Variants in CDH3 observed in about 807,000 individuals in gnomAD.
CDH3 encodes cadherin-3.
CDH3 carries 54 observed loss-of-function variants against 82.0 expected under a neutral mutation model. The observed-to-expected ratio is 0.66, with a 90% CI of 0.53 to 0.83. CDH3 has a LOEUF of 0.83. CDH3 is among the 40% of genes least tolerant of loss of function. The probability of loss-of-function intolerance (pLI) is 0.00; values close to 1 mark genes in which losing one functional copy is unlikely to be tolerated. For synonymous variants in CDH3, 446 were observed against 437.9 expected, an observed-to-expected ratio of 1.02 and a Z score of -0.23; for missense variants, 1,054 against 1,084.6, an observed-to-expected ratio of 0.97 and a Z score of 0.40.
chr16:68,700,734 A>C (rs1961881782), downstream of CDH3, among the ~76,000 whole-genome samples: 1 of 152,210 alleles, frequency 6.6e-6, no homozygotes. Flanking sequence ...GGCGCCTATA[A>C]TCCCAGCTAC....
In CDH3 at chr16:68,681,107, T is replaced by C; in HGVS notation, c.996+11T>C. 6.2e-7 allele frequency: 1 copy of C among 1,613,754 alleles called. No homozygotes were observed. Among genetic ancestry groups the C allele is most frequent in the Non-Finnish European group, 8.5e-7 (1 of 1,179,844 alleles). On this transcript the variant is annotated intron_variant, in intron 8 of 15. Coordinates refer to ENST00000264012, the MANE Select transcript of CDH3 (RefSeq NM_001793.6). ...TTTGACCCCCAGAAGGTAATGCCCC[T>C]TCCTCACTCAGTCCCTCATCAGATA...
chr16:68,713,695 T>C (rs144202771), intron 1 of CDH3, among the ~76,000 whole-genome samples: 1 of 152,216 alleles, frequency 6.6e-6, no homozygotes, highest in Non-Finnish European at 1.5e-5. Context: ...AAGCAGCATG[T>C]CATTGGACGC....
At chr16:68,664,515 T>G (rs538099508) in intron 2 of CDH3, among the ~76,000 whole-genome samples, 1 of 152,260 alleles carries the variant, frequency 6.6e-6, no homozygotes, top group Admixed American at 6.5e-5. Flanking sequence ...AATCTGGATT[T>G]TTTAAATTGT....
At chr16:68,673,575 C>A (rs1463960585) in intron 2 of CDH3, among the ~76,000 whole-genome samples, 1 of 151,992 alleles carries the variant, frequency 6.6e-6, no homozygotes, top group Non-Finnish European at 1.5e-5. Context: ...CCTCCCACTT[C>A]AGCCTCCCAA....
Position 68,646,742 on chromosome 16 carries a change from T to G in CDH3, c.160+992T>G, listed in dbSNP as rs958631405. 1.5e-4 allele frequency among the ~76,000 whole-genome samples: 23 copies of G among 152,160 alleles called. 1 individual carries two copies. ...CAGAGGATCCTTACACTGAAATTTT[T>G]GGGAACTTGAGTATTCATTTTTAGG... On this transcript the variant is annotated intron_variant, in intron 2 of 15. Coordinates refer to ENST00000264012, the MANE Select transcript of CDH3 (RefSeq NM_001793.6).
Position 68,661,350 on chromosome 16 carries a change from C to A in CDH3, c.161-15035C>A, listed in dbSNP as rs548774788. On this transcript the variant is annotated intron_variant, in intron 2 of 15. Coordinates refer to ENST00000264012, the MANE Select transcript of CDH3 (RefSeq NM_001793.6). ...TGGGGCAAGTTACTTAACCTCTGTG[C>A]CTCAGTTTTCTCATCTGTAAAATGA... Among the ~76,000 whole-genome samples the A allele has an allele frequency of 3.3e-5, 5 of 152,244 alleles. No homozygotes were observed. In the South Asian group the frequency reaches 1.0e-3, roughly 32 times the overall value.
chr16:68,687,872 A>G (rs1961461335), intron 12 of CDH3, 136 bp downstream of exon 12: 3 of 690,454 alleles, frequency 4.3e-6, no homozygotes, highest in Admixed American at 2.2e-5. Flanking sequence ...TAGAACCTCA[A>G]TCAGATGCTA....
intron 2 of CDH3, among the ~76,000 whole-genome samples, chr16:68,650,886 T>G (rs1388136793): frequency 1.4e-5 from 2 of 146,918 alleles, no homozygotes; most frequent in Admixed American, 6.9e-5. Flanking sequence ...TGCTGCCACA[T>G]CCCATGACGC....
chr16:68,654,563 C>T (rs555282369), intron 2 of CDH3, among the ~76,000 whole-genome samples: 102 of 139,240 alleles, frequency 7.3e-4, no homozygotes, highest in African/African-American at 2.2e-3. Context: ...ATTAGCTGGG[C>T]GTGGTGGCAG....
chr16:68,725,318 A>G (rs4783566), intron 2 of CDH3, among the ~76,000 whole-genome samples: 129,882 of 151,542 alleles, frequency 0.86, 55,833 homozygotes, highest in Non-Finnish European at 0.89. Flanking sequence ...TGCCATGTTT[A>G]GTTAGGTTAT....
chr16:68,647,115 C>T (rs1290531885), intron 2 of CDH3, among the ~76,000 whole-genome samples: 2 of 152,062 alleles, frequency 1.3e-5, no homozygotes, highest in African/African-American at 2.4e-5. Context: ...TAAATTCTTG[C>T]GCAGGGGTTT....
intron 13 of CDH3, among the ~76,000 whole-genome samples, chr16:68,692,973 A>G (rs1961616531): frequency 6.6e-6 from 1 of 152,182 alleles, no homozygotes; most frequent in African/African-American, 2.4e-5. Context: ...GCATGATGGC[A>G]CATGCCTGTA....
At chr16:68,731,557 T>C (rs1480858185), downstream of CDH3, among the ~76,000 whole-genome samples, 1 of 143,160 alleles carries the variant, frequency 7.0e-6, no homozygotes, top group Non-Finnish European at 1.5e-5. Context: ...TATATACAAT[T>C]TGGGCGTGAT....
intron 2 of CDH3, among the ~76,000 whole-genome samples, chr16:68,722,783 G>GATTT (rs549036579): frequency 6.6e-6 from 1 of 151,908 alleles, no homozygotes. Flanking sequence ...CTTCAACACA[G>GATTT]ATTTATTTAT....
chr16:68,733,696 C>T, the CDH3 span, among the ~76,000 whole-genome samples: 11 of 152,190 alleles, frequency 7.2e-5, no homozygotes, highest in Non-Finnish European at 1.5e-4. Flanking sequence ...GAGCCGAGAT[C>T]GCGCCATTGC....
At chr16:68,710,806 C>G (rs932470786) in intron 1 of CDH3, among the ~76,000 whole-genome samples, 2 of 149,934 alleles carry the variant, frequency 1.3e-5, no homozygotes, top group African/African-American at 4.9e-5. Context: ...GATTGAGTGA[C>G]TGCACTCCAG....
At chr16:68,693,790 T>G (rs1961636703) in intron 13 of CDH3, among the ~76,000 whole-genome samples, 1 of 152,116 alleles carries the variant, frequency 6.6e-6, no homozygotes, top group South Asian at 2.1e-4. Flanking sequence ...TGTATGCTCT[T>G]AAATCGAACT....
intron 2 of CDH3, among the ~76,000 whole-genome samples, chr16:68,673,840 G>A (rs1021369546): frequency 3.9e-5 from 6 of 151,982 alleles, no homozygotes; most frequent in South Asian, 4.2e-4. Flanking sequence ...CATGAGAATC[G>A]CTTGAACCTA....
At chr16:68,716,039 C>T (rs908128664) in intron 1 of CDH3, among the ~76,000 whole-genome samples, 3 of 151,906 alleles carry the variant, frequency 2.0e-5, no homozygotes, top group African/African-American at 7.3e-5. Context: ...GAGGCTGAGG[C>T]GGGTGGATCA....
Sources: allele counts gnomAD v4.1 joint callset (sites outside exome capture counted in the v4.1 genomes callset), GRCh38; gene constraint gnomAD v4.1.1; transcripts MANE v1.5; gene names NCBI Gene and HGNC (gene_info 2026-07-23, HGNC 2026-07-21).